KCNJ3: variants seen among roughly 807,000 people sequenced by gnomAD.
KCNJ3 encodes potassium inwardly rectifying channel subfamily J member 3.
Under a neutral mutation model 39.2 loss-of-function variants are expected in KCNJ3, and 4 were observed. The ratio of observed to expected loss-of-function variants is 0.10; its 90% CI spans 0.05 to 0.23. KCNJ3 has a LOEUF of 0.23. Among genes scored for constraint, KCNJ3 ranks in the 10% least tolerant of loss-of-function variants. The pLI is 1.00. For missense variants in KCNJ3, 276 were observed against 634.9 expected, an observed-to-expected ratio of 0.43 and a Z score of 6.08; for synonymous variants, 230 against 237.4, an observed-to-expected ratio of 0.97 and a Z score of 0.29.
At chr2:154,751,014 G>A (rs1685835182) in intron 2 of KCNJ3, among the ~76,000 whole-genome samples, 1 of 151,774 alleles carries the variant, frequency 6.6e-6, no homozygotes, top group Non-Finnish European at 1.5e-5. Context: ...TAACTTAAGG[G>A]TGAGGGATAA....
chr2:154,715,102 C>A (rs1379398411), intron 2 of KCNJ3, among the ~76,000 whole-genome samples: 1 of 152,158 alleles, frequency 6.6e-6, no homozygotes, highest in Non-Finnish European at 1.5e-5. Flanking sequence ...GGGCAGGGTA[C>A]CTGGCTGCTA....
intron 2 of KCNJ3, among the ~76,000 whole-genome samples, chr2:154,836,332 T>C (rs1392722226): frequency 6.6e-6 from 1 of 152,152 alleles, no homozygotes; most frequent in Non-Finnish European, 1.5e-5. Context: ...TCATTTCTTT[T>C]CTGAAAATGT....
At chr2:154,783,078 T>C (rs1686466911) in intron 2 of KCNJ3, among the ~76,000 whole-genome samples, 1 of 152,026 alleles carries the variant, frequency 6.6e-6, no homozygotes, top group South Asian at 2.1e-4. Context: ...CTCGGGAGGC[T>C]GAGGCAGGAG....
At chr2:154,794,134 T>TGTCTTGG (rs1352845123) in intron 2 of KCNJ3, among the ~76,000 whole-genome samples, 1 of 151,954 alleles carries the variant, frequency 6.6e-6, no homozygotes, top group African/African-American at 2.4e-5. Context: ...TATAATTTTA[T>TGTCTTGG]GTCTTGGGCT....
chr2:154,706,113 A>T (rs1685003879), intron 1 of KCNJ3, among the ~76,000 whole-genome samples: 1 of 152,160 alleles, frequency 6.6e-6, no homozygotes, highest in African/African-American at 2.4e-5. Context: ...TTATAAATTT[A>T]AATAATTTAC....
At chr2:154,707,691 G>T (rs1685037085) in intron 1 of KCNJ3, among the ~76,000 whole-genome samples, 1 of 152,076 alleles carries the variant, frequency 6.6e-6, no homozygotes, top group Non-Finnish European at 1.5e-5. Flanking sequence ...ATGCCATGTA[G>T]TTCAGGAAAA....
intron 2 of KCNJ3, among the ~76,000 whole-genome samples, chr2:154,825,219 G>A (rs923789074): frequency 6.6e-6 from 1 of 152,084 alleles, no homozygotes; most frequent in Admixed American, 6.5e-5. Flanking sequence ...ACCTTTGGAA[G>A]CCTTCTCACT....
At position 154,744,166 on chromosome 2, in the gene KCNJ3, C is replaced by G. The variant is rs555709477; in HGVS notation, c.919+34347C>G. Among the ~76,000 whole-genome samples the G allele has an allele frequency of 2.0e-5, 3 of 151,778 alleles. No individual in the cohort carries two copies. The South Asian group carries it at 6.2e-4, about 31-fold the overall frequency. Reference sequence around the variant, plus strand: ...TGATTGATTTTGAGTATTGAACCAGCTTTGCAAACCTGGAATAATAAACCC... The same window carrying G: ...TGATTGATTTTGAGTATTGAACCAGGTTTGCAAACCTGGAATAATAAACCC... On this transcript the variant is annotated intron_variant, in intron 2 of 2. Transcript: ENST00000295101.
chr2:154,817,990 T>C (rs1324952754), intron 2 of KCNJ3, among the ~76,000 whole-genome samples: 1 of 152,158 alleles, frequency 6.6e-6, no homozygotes, highest in African/African-American at 2.4e-5. Flanking sequence ...GAAACTGATA[T>C]AATCATTTTT....
chr2:154,846,273 A>AAATT (rs1292444984), intron 2 of KCNJ3, among the ~76,000 whole-genome samples: 1 of 152,186 alleles, frequency 6.6e-6, no homozygotes, highest in East Asian at 1.9e-4. Flanking sequence ...AACATGGTGA[A>AAATT]AATTATTCTA....
intron 2 of KCNJ3, among the ~76,000 whole-genome samples, chr2:154,717,106 T>C (rs1685194551): frequency 6.6e-6 from 1 of 152,188 alleles, no homozygotes; most frequent in Admixed American, 6.5e-5. Flanking sequence ...GAACATGGTG[T>C]GAACTGAAAC....
intron 1 of KCNJ3, among the ~76,000 whole-genome samples, chr2:154,705,831 T>C (rs1368635706): frequency 6.6e-6 from 1 of 152,022 alleles, no homozygotes; most frequent in Non-Finnish European, 1.5e-5. Context: ...TTTTTATAAC[T>C]CCCAGAATTT....
intron 2 of KCNJ3, among the ~76,000 whole-genome samples, chr2:154,830,578 G>A (rs1275673347): frequency 6.6e-6 from 1 of 152,130 alleles, no homozygotes; most frequent in Non-Finnish European, 1.5e-5. Flanking sequence ...TGCTCTGTCA[G>A]CAGATCAGGA....
At chr2:154,789,285 A>G (rs749508028) in intron 2 of KCNJ3, among the ~76,000 whole-genome samples, 9 of 152,092 alleles carry the variant, frequency 5.9e-5, no homozygotes, top group Admixed American at 1.3e-4. Flanking sequence ...GGGAAATTAA[A>G]CTATCTCCTT....
chr2:154,749,823 A>G (rs1029381716), intron 2 of KCNJ3, among the ~76,000 whole-genome samples: 1 of 151,468 alleles, frequency 6.6e-6, no homozygotes, highest in African/African-American at 2.4e-5. Flanking sequence ...AGTTTTCCTC[A>G]TGTCTTGGCT....
intron 1 of KCNJ3, among the ~76,000 whole-genome samples, chr2:154,700,909 G>A (rs978739171): frequency 8.5e-5 from 13 of 152,062 alleles, no homozygotes; most frequent in African/African-American, 3.1e-4. Flanking sequence ...CACCACAGTG[G>A]AAAATTATCA....
rs765340601 is a variant in KCNJ3 at position 154,855,013 on chromosome 2, G to T, written c.1206G>T (p.Lys402Asn). ...ATATTACTACAAAACTACCATCTAA[G>T]CTGCAGAAAATTACTGGAAGAGAAG... ...LDDITTKLPSKLQKITGREDF... is the reference protein window; with the variant it reads ...LDDITTKLPSNLQKITGREDF... The change falls in exon 3 of 3, where the codon AAG becomes AAT. Residue 402 changes from lysine (K) to asparagine (N), a missense_variant. By Grantham distance (94) the Lys-to-Asn change is moderately conservative (BLOSUM62 0). This residue lies in a region of KCNJ3 where 126 missense variants were observed against 179.8 expected (regional missense o/e 0.70). Coordinates refer to ENST00000295101, the MANE Select transcript of KCNJ3 (RefSeq NM_002239.4). 3 of 1,613,960 alleles carry T rather than the reference G, an allele frequency of 1.9e-6. No homozygotes were observed. The African/African-American group carries it at 4.0e-5, about 22-fold the overall frequency.
At chr2:154,759,129 A>G (rs1276217116) in intron 2 of KCNJ3, among the ~76,000 whole-genome samples, 1 of 152,214 alleles carries the variant, frequency 6.6e-6, no homozygotes, top group East Asian at 1.9e-4. Context: ...TAATGTTCAT[A>G]TCTGTAGCCA....
chr2:154,717,293 A>G (rs1423062223), intron 2 of KCNJ3, among the ~76,000 whole-genome samples: 5 of 152,184 alleles, frequency 3.3e-5, no homozygotes, highest in African/African-American at 1.2e-4. Flanking sequence ...TTAGCCCTGG[A>G]TAACAGTTTG....
Sources: gnomAD v4.1 joint callset for allele counts (sites outside exome capture counted in the v4.1 genomes callset) on GRCh38, gnomAD v4.1.1 for gene constraint, gnomAD v4.1.1 regional missense constraint, MANE v1.5 for transcripts, NCBI Gene and HGNC (gene_info 2026-07-23, HGNC 2026-07-21) for gene names.